Variants in AVIL observed in about 807,000 individuals in gnomAD.
AVIL encodes the protein advillin.
In AVIL, 78 loss-of-function variants were observed where a neutral mutation model predicts 109.9. The observed-to-expected ratio is 0.71, with a 90% CI of 0.59 to 0.86. The LOEUF is 0.86. AVIL is among the 40% of genes least tolerant of loss of function. The pLI is 0.00. For missense variants in AVIL, 892 were observed against 1,016.5 expected (o/e 0.88, Z 1.67); for synonymous variants, 367 against 379.1 (o/e 0.97, Z 0.37).
chr12:57,807,201 C>A, intron 13 of AVIL, 130 bp downstream of exon 13: 1 of 1,345,962 alleles, frequency 7.4e-7, no homozygotes. Flanking sequence ...GGGATTAACC[C>A]CCTTCTTCCT....
chr12:57,798,962 A>G (rs1046766566), intron 19 of AVIL, among the ~76,000 whole-genome samples: 2 of 152,136 alleles, frequency 1.3e-5, no homozygotes, highest in Admixed American at 1.3e-4. Context: ...TTCACGCAAA[A>G]CTTAAGAATA....
Position 57,808,193 on chromosome 12 carries a change from C to T in AVIL, c.1194+1G>A. The T allele has an allele frequency of 6.2e-7, 1 of 1,614,062 alleles. No homozygotes were observed. Among genetic ancestry groups the T allele is most frequent in the Non-Finnish European group, 8.5e-7 (1 of 1,179,880 alleles). On this transcript the variant is annotated splice_donor_variant, in intron 11 of 19. Transcript: ENST00000549994. LOFTEE classifies it high-confidence loss of function. ...CCTGACATTTGAATCATTGGGCTTACCTCAACTTTTCCGTTGCCATCATCG... is the reference window on the plus strand; with the variant it reads ...CCTGACATTTGAATCATTGGGCTTATCTCAACTTTTCCGTTGCCATCATCG...
chr12:57,815,651 G>A lies in AVIL; in HGVS notation c.66+324C>T, dbSNP rs1003745340. On this transcript the variant is annotated intron_variant, in intron 2 of 19. Transcript: ENST00000549994. ...CCATTTCTCTGATGGAAGCTGCCAGGAGTCTGCTGAGTAGGTCCCACCTGT... is the reference window on the plus strand; with the variant it reads ...CCATTTCTCTGATGGAAGCTGCCAGAAGTCTGCTGAGTAGGTCCCACCTGT... 14 of 1,340,508 alleles carry A rather than the reference G, an allele frequency of 1.0e-5. No homozygotes were observed. The Admixed American group carries it at 3.2e-4, about 31-fold the overall frequency. The allele number at this position is 1,340,508 out of a possible 1,614,324, so 83.0% of individuals were successfully genotyped here.
chr12:57,811,672 G>C (rs1022805124), intron 4 of AVIL, among the ~76,000 whole-genome samples: 8 of 152,236 alleles, frequency 5.3e-5, no homozygotes, highest in Non-Finnish European at 1.0e-4. Context: ...TCTGTCCTTG[G>C]GTTCCCCAGT....
At chr12:57,800,043 T>G (rs1452769009) in intron 18 of AVIL, 123 bp from the exon 19 acceptor site, 2 of 1,284,050 alleles carry the variant, frequency 1.6e-6, no homozygotes, top group African/African-American at 3.0e-5. Flanking sequence ...TAATCATCTT[T>G]GATAACAATG....
At chr12:57,798,074 G>GA in intron 19 of AVIL, 79 bp from the exon 20 acceptor site, 1 of 1,047,590 alleles carries the variant, frequency 9.5e-7, no homozygotes, top group South Asian at 1.5e-5. Flanking sequence ...GTTGGAGCAA[G>GA]AGGGAGTTCT....
intron 16 of AVIL, chr12:57,802,633 T>A (rs1287364834): frequency 1.5e-6 from 1 of 682,764 alleles, no homozygotes; most frequent in Non-Finnish European, 2.6e-6. Context: ...TCCTCTTGAC[T>A]GCTCTAAGCA....
chr12:57,804,888 C>T (rs1955919487), intron 14 of AVIL, among the ~76,000 whole-genome samples: 1 of 151,982 alleles, frequency 6.6e-6, no homozygotes, highest in Admixed American at 6.5e-5. Context: ...GCCAACAATG[C>T]ATGAAAATTC....
intron 7 of AVIL, 137 bp downstream of exon 7, chr12:57,810,212 G>T: frequency 1.1e-6 from 1 of 911,226 alleles, no homozygotes; most frequent in Non-Finnish European, 1.6e-6. Context: ...CTTTCTAGGA[G>T]CTGCATTTGA....
chr12:57,815,558 T>A, intron 2 of AVIL: 4 of 1,229,832 alleles, frequency 3.3e-6, no homozygotes, highest in Non-Finnish European at 4.1e-6. Context: ...CAGCTCCTCA[T>A]CTCTGCAGTG....
intron 2 of AVIL, 126 bp downstream of exon 2, chr12:57,815,849 C>G (rs1430101382): frequency 6.5e-7 from 1 of 1,547,408 alleles, no homozygotes; most frequent in Admixed American, 2.0e-5. Context: ...TACTTTGATG[C>G]TGCCTCTCAT....
intron 4 of AVIL, among the ~76,000 whole-genome samples, chr12:57,812,612 G>A (rs575216328): frequency 6.1e-4 from 90 of 148,244 alleles, no homozygotes; most frequent in African/African-American, 2.2e-3. Flanking sequence ...CGCCTGCCTC[G>A]GCCTCCCAAA....
At chr12:57,802,724 A>G (rs191305675) in intron 16 of AVIL, 6 of 604,008 alleles carry the variant, frequency 9.9e-6, no homozygotes, top group Non-Finnish European at 1.8e-5. Flanking sequence ...GGTGGTATCT[A>G]TCTAGTCACC....
At chr12:57,809,923 T>A (rs907114278) in intron 7 of AVIL, 33 bp from the exon 8 acceptor site, 29 of 1,606,586 alleles carry the variant, frequency 1.8e-5, no homozygotes, top group Non-Finnish European at 2.3e-5. Flanking sequence ...CTGTGCCTTT[T>A]CCTCTATAAA....
chr12:57,812,171 G>A (rs564343808), intron 4 of AVIL, among the ~76,000 whole-genome samples: 1 of 152,296 alleles, frequency 6.6e-6, no homozygotes, highest in East Asian at 1.9e-4. Flanking sequence ...GACTATAGGA[G>A]TGCACCGCCA....
intron 14 of AVIL, chr12:57,805,833 C>G (rs1482806671): frequency 1.0e-5 from 1 of 99,938 alleles, no homozygotes; most frequent in Admixed American, 1.2e-4. Flanking sequence ...CTGTGCCTGG[C>G]TTTTTTTTTT....
Position 57,816,033 on chromosome 12 carries a change from A to G in AVIL, c.8T>C (p.Leu3Pro). MP[L>P]TSAFRAVDND... ...GTCCACAGCCCTGAAGGCACTGGTC[A>G]GAGGCATGATGCTTGTCTTTCCAGG... The change falls in exon 2 of 20, where the codon CTG (leucine) becomes CCG (proline). Residue 3 changes from leucine (L) to proline (P), a missense_variant. By Grantham distance (98) the Leu-to-Pro change is moderately conservative. Coordinates refer to ENST00000549994, the MANE Select transcript of AVIL (RefSeq NM_006576.4). 1.9e-6 allele frequency: 3 copies of G among 1,613,464 alleles called. No individual in the cohort carries two copies. Among genetic ancestry groups the G allele is most frequent in the Non-Finnish European group, 2.5e-6 (3 of 1,179,770 alleles).
rs779102356 is a variant in AVIL at position 57,813,354 on chromosome 12, C to T, written c.211G>A (p.Glu71Lys). ...FWIGKDSSQD[E>K]QSCAAIYTTQ... The stretch of plus-strand genomic sequence containing the variant: ...GTATATATGGCTGCGCAGCTTTGCT[C>T]ATCCTGGGAGGAGTCCTTCCCGATC... The change falls in exon 4 of 20, where the codon GAG becomes AAG. Residue 71 changes from glutamate (E) to lysine (K), a missense_variant. Transcript: ENST00000549994. 1.2e-6 allele frequency: 2 copies of T among 1,614,160 alleles called. No individual in the cohort carries two copies. The highest frequency in any genetic ancestry group is 1.7e-6 in the Non-Finnish European group (2 of 1,180,044).
rs189010742 is a variant in AVIL, at chr12:57,814,091, G to A, written c.141+61C>T. The A allele has an allele frequency of 4.3e-5, 67 of 1,568,432 alleles. No individual in the cohort carries two copies. The African/African-American group carries it at 8.5e-4, about 20-fold the overall frequency. ...CCTTCCCTCACCAGCACATCTCCCA[G>A]TACAGCCCAAGAACTGGCCCCAGGG... On this transcript the variant is annotated intron_variant, in intron 3 of 19. Transcript: ENST00000549994.
Sources: gnomAD v4.1 joint callset for allele counts (sites outside exome capture counted in the v4.1 genomes callset) on GRCh38, gnomAD v4.1.1 for gene constraint, MANE v1.5 for transcripts, NCBI Gene and HGNC (gene_info 2026-07-23, HGNC 2026-07-21) for gene names.